The following FOXP2 variants were observed in gnomAD, a reference collection of about 807,000 sequenced individuals.
The protein encoded by FOXP2 is forkhead box protein P2.
In FOXP2, 12 loss-of-function variants were observed where a neutral mutation model predicts 115.8. The ratio of observed to expected loss-of-function variants is 0.10; its 90% CI spans 0.07 to 0.17. The LOEUF (loss-of-function observed/expected upper bound fraction) is 0.17, where lower values mean the gene tolerates loss of function less well. Among genes scored for constraint, FOXP2 ranks in the 10% least tolerant of loss-of-function variants. The probability of loss-of-function intolerance (pLI) is 1.00; values close to 1 mark genes in which losing one functional copy is unlikely to be tolerated. For missense variants in FOXP2, 629 were observed against 843.5 expected, an observed-to-expected ratio of 0.75 and a Z score of 3.15; for synonymous variants, 328 against 297.7, an observed-to-expected ratio of 1.10 and a Z score of -1.05.
chr7:114,676,538 A>G (rs1178873000), intron 16 of FOXP2, among the ~76,000 whole-genome samples: 1 of 152,190 alleles, frequency 6.6e-6, no homozygotes, highest in African/African-American at 2.4e-5. Flanking sequence ...TAGCTTTTTG[A>G]ATGTTCTCTG....
chr7:114,679,402 G>T (rs1292762957), intron 16 of FOXP2, among the ~76,000 whole-genome samples: 1 of 152,086 alleles, frequency 6.6e-6, no homozygotes, highest in Non-Finnish European at 1.5e-5. Context: ...GTTTTAGTAA[G>T]TTCCCATTTG....
At chr7:114,133,296 A>G (rs1056658105) in intron 1 of FOXP2, among the ~76,000 whole-genome samples, 6 of 152,354 alleles carry the variant, frequency 3.9e-5, no homozygotes, top group Middle Eastern at 3.4e-3. Flanking sequence ...AGAAACATTC[A>G]GAAATTCAAT....
chr7:114,202,372 A>T (rs955165367), intron 1 of FOXP2, among the ~76,000 whole-genome samples: 1 of 152,178 alleles, frequency 6.6e-6, no homozygotes, highest in African/African-American at 2.4e-5. Flanking sequence ...GCATGGATTT[A>T]AAAAATGCCA....
Position 114,689,858 on chromosome 7 carries a change from A to T in FOXP2, c.2080A>T (p.Asn694Tyr), listed in dbSNP as rs1251042963. ...CCCAATGTCCTTAGTGACAACAGCT[A>T]ATCACAGTCCAGAATTAGAAGACGA... ...DCPMSLVTTANHSPELEDDRE... is the reference protein window; with the variant it reads ...DCPMSLVTTAYHSPELEDDRE... The change falls in exon 17 of 17, where the codon AAT becomes TAT. Residue 694 changes from asparagine to tyrosine, a missense_variant. By Grantham distance (143) the Asn-to-Tyr change is moderately radical (BLOSUM62 -2). Around this residue, in one of 9 missense-constraint regions of FOXP2, gnomAD observed 117 missense variants for 112.3 expected, o/e 1.04. Transcript: ENST00000350908. 1 of 1,613,572 alleles carries T rather than the reference A, an allele frequency of 6.2e-7. No homozygotes were observed. The highest frequency in any genetic ancestry group is 8.5e-7 in the Non-Finnish European group (1 of 1,179,602).
chr7:114,275,853 T>C (rs1240463663), intron 1 of FOXP2, among the ~76,000 whole-genome samples: 1 of 152,202 alleles, frequency 6.6e-6, no homozygotes, highest in Non-Finnish European at 1.5e-5. Context: ...TCTATAGTTC[T>C]AGGATTAGGC....
intron 1 of FOXP2, among the ~76,000 whole-genome samples, chr7:114,195,078 G>A (rs1196588583): frequency 6.6e-6 from 1 of 152,124 alleles, no homozygotes; most frequent in Non-Finnish European, 1.5e-5. Flanking sequence ...TGGTTTTTGA[G>A]TCTGTCCTTG....
At chr7:114,648,570 A>G (rs1231492250) in intron 8 of FOXP2, among the ~76,000 whole-genome samples, 2 of 152,262 alleles carry the variant, frequency 1.3e-5, no homozygotes, top group East Asian at 1.9e-4. Context: ...ACTTACATTC[A>G]TAATCATCTA....
In FOXP2 at chr7:114,592,133, T is replaced by C. The variant is rs189407139; in HGVS notation, c.259-36407T>C. Reference sequence around the variant, plus strand: ...ATAATAATCTAGGTAATAAAACATTTCTCTACATTAAAAATGCTTTTCAAA... The same window carrying C: ...ATAATAATCTAGGTAATAAAACATTCCTCTACATTAAAAATGCTTTTCAAA... On this transcript the variant is annotated intron_variant, in intron 3 of 16. Transcript: ENST00000350908. 5.3e-3 allele frequency among the ~76,000 whole-genome samples: 811 copies of C among 152,162 alleles called. 5 individuals are homozygous for C. The highest frequency in any genetic ancestry group is 0.019 in the African/African-American group (793 of 41,550).
At chr7:114,626,869 A>G (rs1023334319) in intron 3 of FOXP2, among the ~76,000 whole-genome samples, 8 of 151,982 alleles carry the variant, frequency 5.3e-5, no homozygotes, top group South Asian at 4.1e-4. Context: ...TAATTTTACA[A>G]TATACATTTC....
chr7:114,278,471 C>T (rs1435396638), intron 1 of FOXP2, among the ~76,000 whole-genome samples: 1 of 151,958 alleles, frequency 6.6e-6, no homozygotes, highest in Non-Finnish European at 1.5e-5. Flanking sequence ...TCTCCCCTCT[C>T]AGTCTCCCGA....
chr7:114,556,455 C>G (rs1382020035), intron 3 of FOXP2, among the ~76,000 whole-genome samples: 1 of 152,122 alleles, frequency 6.6e-6, no homozygotes, highest in East Asian at 1.9e-4. Flanking sequence ...TAGGGGTGAT[C>G]ATAATCTGAA....
chr7:114,327,194 T>C (rs1416062178), intron 2 of FOXP2, among the ~76,000 whole-genome samples: 1 of 152,246 alleles, frequency 6.6e-6, no homozygotes, highest in Non-Finnish European at 1.5e-5. Flanking sequence ...CTTCATACCC[T>C]GAGGAACTGA....
chr7:114,670,314 A>C (rs1054719381), intron 16 of FOXP2, among the ~76,000 whole-genome samples: 7 of 152,104 alleles, frequency 4.6e-5, no homozygotes, highest in African/African-American at 1.7e-4. Context: ...AGAAGAAAAT[A>C]AAAGGCTGAG....
intron 14 of FOXP2, 25 bp downstream of exon 14, chr7:114,662,211 C>T (rs373753210): frequency 4.0e-5 from 65 of 1,611,338 alleles, no homozygotes; most frequent in African/African-American, 9.4e-5. Flanking sequence ...GTTTTGTAAT[C>T]CTGTATCCTG....
chr7:114,319,916 T>C (rs1797375893), intron 2 of FOXP2, among the ~76,000 whole-genome samples: 2 of 152,202 alleles, frequency 1.3e-5, no homozygotes, highest in African/African-American at 4.8e-5. Context: ...TTTGCTAACT[T>C]ACTACATTGC....
chr7:114,298,515 T>C (rs1031564033), intron 2 of FOXP2, among the ~76,000 whole-genome samples: 1 of 152,214 alleles, frequency 6.6e-6, no homozygotes, highest in Non-Finnish European at 1.5e-5. Context: ...CCACCAGCAT[T>C]AGCTGACTTA....
intron 3 of FOXP2, among the ~76,000 whole-genome samples, chr7:114,594,151 C>G (rs962991157): frequency 1.2e-4 from 18 of 152,004 alleles, no homozygotes; most frequent in Non-Finnish European, 1.9e-4. Flanking sequence ...TTAACTCATC[C>G]TCTAATAATC....
intron 1 of FOXP2, among the ~76,000 whole-genome samples, chr7:114,170,583 GA>G (rs1272531170): frequency 2.6e-5 from 4 of 152,168 alleles, no homozygotes. Flanking sequence ...CTACTTTAGT[GA>G]ACATATGAGT....
intron 16 of FOXP2, among the ~76,000 whole-genome samples, chr7:114,684,038 A>T (rs1261026364): frequency 6.6e-6 from 1 of 152,014 alleles, no homozygotes; most frequent in Admixed American, 6.6e-5. Flanking sequence ...TCTTTTAAAA[A>T]ATTTTTCTTT....
Sources: allele counts gnomAD v4.1 joint callset (sites outside exome capture counted in the v4.1 genomes callset), GRCh38; gene constraint gnomAD v4.1.1; regional missense constraint gnomAD v4.1.1; transcripts MANE v1.5; gene names NCBI Gene and HGNC (gene_info 2026-07-23, HGNC 2026-07-21).